The following EHMT1 variants were observed in gnomAD, a reference collection of about 807,000 sequenced individuals.
EHMT1 encodes the protein histone-lysine N-methyltransferase EHMT1.
A neutral mutation model predicts 147.2 loss-of-function variants in EHMT1; 15 were observed. The observed-to-expected ratio is 0.10, with a 90% CI of 0.07 to 0.16. The LOEUF (loss-of-function observed/expected upper bound fraction) is 0.16. EHMT1 is among the 10% of genes least tolerant of loss of function. EHMT1 has a pLI of 1.00. For synonymous variants in EHMT1, 795 were observed against 709.6 expected (o/e 1.12, Z -1.91); for missense variants, 1,587 against 1,772.4 (o/e 0.90, Z 1.88).
At chr9:137,667,411 G>GT (rs1319027238) in intron 1 of EHMT1, 3 of 152,210 alleles carry the variant, frequency 2.0e-5, no homozygotes, top group Non-Finnish European at 4.4e-5. Flanking sequence ...TGGAGGTCAG[G>GT]TATCTGCTGG....
chr9:137,735,143 G>C (rs1350209703), intron 4 of EHMT1, among the ~76,000 whole-genome samples: 1 of 152,206 alleles, frequency 6.6e-6, no homozygotes, highest in African/African-American at 2.4e-5. Context: ...ACTTTGGTTT[G>C]TAACTCCACA....
rs111380929 is a variant in EHMT1, at chr9:137,649,003, T to C, written c.21+29954T>C. 5.5e-3 allele frequency among the ~76,000 whole-genome samples: 831 copies of C among 152,368 alleles called. 9 individuals carry two copies. Among genetic ancestry groups the C allele is most frequent in the African/African-American group, 0.018 (744 of 41,590 alleles). On this transcript the variant is annotated intron_variant, in intron 1 of 26. Coordinates refer to ENST00000460843, the MANE Select transcript of EHMT1 (RefSeq NM_024757.5). ...ATTTGCCACCCAAAAAGCCAGAGAC[T>C]GATCCTGGTTGTCGTATCGTGCTTG...
chr9:137,754,028 A>G (rs1949190444), intron 7 of EHMT1, 143 bp from the exon 8 acceptor site: 3 of 1,404,992 alleles, frequency 2.1e-6, no homozygotes, highest in African/African-American at 2.8e-5. Context: ...ACCCAGCAAA[A>G]TGTCTACAAG....
At chr9:137,673,752 G>A (rs117048662) in intron 1 of EHMT1, among the ~76,000 whole-genome samples, 56 of 152,326 alleles carry the variant, frequency 3.7e-4, no homozygotes, top group Non-Finnish European at 6.9e-4. Flanking sequence ...GTTAAGGCCC[G>A]TCATTTCATG....
At chr9:137,642,260 C>T (rs1398057557) in intron 1 of EHMT1, among the ~76,000 whole-genome samples, 1 of 152,076 alleles carries the variant, frequency 6.6e-6, no homozygotes, top group East Asian at 1.9e-4. Context: ...TTGCTTTCTG[C>T]GTCTTCTGTC....
chr9:137,655,067 C>T (rs569859691), intron 1 of EHMT1, among the ~76,000 whole-genome samples: 56 of 151,954 alleles, frequency 3.7e-4, no homozygotes, highest in African/African-American at 1.3e-3. Flanking sequence ...GGCATGATCT[C>T]GGCTCACTGC....
rs539665416 is a variant in EHMT1, at chr9:137,782,678, C to T, written c.2382+281C>T. ...TGGTTTTGGTTCTTCACACTCATGACGTCCCTCTGGGGGAGCCAAGCACTC... is the reference window on the plus strand; with the variant it reads ...TGGTTTTGGTTCTTCACACTCATGATGTCCCTCTGGGGGAGCCAAGCACTC... On this transcript the variant is annotated intron_variant, in intron 15 of 26. Coordinates refer to ENST00000460843, the MANE Select transcript of EHMT1 (RefSeq NM_024757.5). The surrounding 1 kb of genome is among the most constrained non-coding windows in gnomAD (Gnocchi z 5.7). Among the ~76,000 whole-genome samples, 6 of 152,274 alleles carry T rather than the reference C, an allele frequency of 3.9e-5. No individual in the cohort carries two copies. The Middle Eastern group carries it at 0.01, about 259-fold the overall frequency.
At chr9:137,738,846 A>G (rs768067599) in intron 4 of EHMT1, 4 of 152,304 alleles carry the variant, frequency 2.6e-5, no homozygotes, top group Admixed American at 2.6e-4. Context: ...GAGTCGTCCA[A>G]CTGATGGACA....
intron 25 of EHMT1, chr9:137,833,074 C>A (rs1442439830): frequency 6.6e-6 from 1 of 152,328 alleles, no homozygotes; most frequent in Non-Finnish European, 1.5e-5. Flanking sequence ...TCACTGCCCG[C>A]GCCGTGAAGG....
intron 10 of EHMT1, among the ~76,000 whole-genome samples, chr9:137,768,347 G>GGT (rs1554874722): frequency 1.2e-4 from 11 of 92,520 alleles, no homozygotes; most frequent in South Asian, 4.1e-4. Context: ...TTTTCTGTGT[G>GGT]TTTTTTTTTT....
intron 18 of EHMT1, among the ~76,000 whole-genome samples, chr9:137,808,287 T>C (rs1214520953): frequency 6.6e-6 from 1 of 152,096 alleles, no homozygotes; most frequent in Non-Finnish European, 1.5e-5. Context: ...TGGAGCTCTG[T>C]TTTCTGTCTG....
In EHMT1 at chr9:137,728,516, A is replaced by G; in HGVS notation, c.810A>G (p.Thr270=). 6.2e-7 allele frequency: 1 copy of G among 1,614,148 alleles called. No homozygotes were observed. Among genetic ancestry groups the G allele is most frequent in the Non-Finnish European group, 8.5e-7 (1 of 1,180,026 alleles). ...AGAACCAGTGCTACATGGCCACCACAAAATCACAGACAGGTAAAGAGGACC... is the reference window on the plus strand; with the variant it reads ...AGAACCAGTGCTACATGGCCACCACGAAATCACAGACAGGTAAAGAGGACC... ...LPQNQCYMAT[T]KSQTACLPFV... The change falls in exon 4 of 27, where the codon ACA becomes ACG. Residue 270 remains threonine (T), a synonymous_variant. Transcript: ENST00000460843.
chr9:137,832,401 C>G (rs1001389496), intron 25 of EHMT1, among the ~76,000 whole-genome samples: 1 of 151,774 alleles, frequency 6.6e-6, no homozygotes, highest in African/African-American at 2.4e-5. Flanking sequence ...TCCACAGGCC[C>G]CGCCTCCCAC....
chr9:137,752,422 C>T lies in EHMT1; in HGVS notation c.1248+14C>T. On this transcript the variant is annotated intron_variant, in intron 7 of 26. Transcript: ENST00000460843. Reference sequence around the variant, plus strand: ...GAGTCTGACCTGGTAATGCCCAGCGCCTCCTCCTGCGTCTGTGCTGATGTA... The same window carrying T: ...GAGTCTGACCTGGTAATGCCCAGCGTCTCCTCCTGCGTCTGTGCTGATGTA... 1 of 1,612,044 alleles carries T rather than the reference C, an allele frequency of 6.2e-7. No individual in the cohort carries two copies. The highest frequency in any genetic ancestry group is 1.1e-5 in the South Asian group (1 of 90,478).
At chr9:137,815,082 C>T (rs908137771) in intron 22 of EHMT1, among the ~76,000 whole-genome samples, 3 of 151,414 alleles carry the variant, frequency 2.0e-5, no homozygotes, top group Non-Finnish European at 2.9e-5. Flanking sequence ...CCTGGTCTCC[C>T]GAGTTCAGAG....
intron 23 of EHMT1, 32 bp downstream of exon 23, chr9:137,816,094 T>TTCTGCTCGTA (rs1954897632): frequency 6.3e-7 from 1 of 1,582,330 alleles, no homozygotes; most frequent in African/African-American, 1.4e-5. Context: ...GAGCCCCACA[T>TTCTGCTCGTA]TCTGCTCGTA....
chr9:137,643,092 A>G (rs1168557868), intron 1 of EHMT1, among the ~76,000 whole-genome samples: 1 of 151,864 alleles, frequency 6.6e-6, no homozygotes, highest in African/African-American at 2.4e-5. Context: ...TGTGTTGCCC[A>G]GGCTGGTCTC....
chr9:137,720,133 G>A (rs1456228072), intron 3 of EHMT1, among the ~76,000 whole-genome samples: 1 of 136,920 alleles, frequency 7.3e-6, no homozygotes, highest in Admixed American at 7.3e-5. Context: ...TCGAGGTGCC[G>A]AACCCCCTCC....
rs543578515 is a variant in EHMT1 at position 137,769,400 on chromosome 9, C to CT, written c.1648-5702dup. The stretch of plus-strand genomic sequence containing the variant: ...TGTATCTAAAGACTTTCCAATAACT[C>CT]TTTTTTTGGTAGCACAAGGCTGCTG... On this transcript the variant is annotated intron_variant, in intron 10 of 26. Transcript: ENST00000460843. 1.4e-3 allele frequency among the ~76,000 whole-genome samples: 216 copies of CT among 152,204 alleles called. 4 individuals carry two copies. Among genetic ancestry groups the CT allele is most frequent in the South Asian group, 8.3e-3 (40 of 4,824 alleles).
Sources: allele counts gnomAD v4.1 joint callset (sites outside exome capture counted in the v4.1 genomes callset), GRCh38; gene constraint gnomAD v4.1.1; non-coding constraint Gnocchi (gnomAD v3.1); transcripts MANE v1.5; gene names NCBI Gene and HGNC (gene_info 2026-07-23, HGNC 2026-07-21).